Variants in NTRK2 observed in about 807,000 individuals in gnomAD.
NTRK2 encodes BDNF/NT-3 growth factors receptor.
NTRK2 carries 13 observed loss-of-function variants against 94.5 expected under a neutral mutation model. That is an observed-to-expected ratio of 0.14 (90% CI 0.09 to 0.22). The LOEUF is 0.22. NTRK2 is among the 10% of genes least tolerant of loss of function. The pLI is 1.00. For missense variants in NTRK2, 639 were observed against 1,071.2 expected, an observed-to-expected ratio of 0.60 and a Z score of 5.63; for synonymous variants, 372 against 407.4, an observed-to-expected ratio of 0.91 and a Z score of 1.05.
chr9:84,797,620 C>A lies in NTRK2; in HGVS notation c.1396+45535C>A, dbSNP rs141918511. ...CTATATATTATATATAATATATATACTATATATTATATATTATATATACTA... is the reference window on the plus strand; with the variant it reads ...CTATATATTATATATAATATATATAATATATATTATATATTATATATACTA... On this transcript the variant is annotated intron_variant, in intron 12 of 18. Transcript: ENST00000277120. Among the ~76,000 whole-genome samples, 525 of 63,158 alleles carry A rather than the reference C, an allele frequency of 8.3e-3. 24 individuals carry two copies. Among genetic ancestry groups the A allele is most frequent in the African/African-American group, 0.028 (436 of 15,684 alleles). The allele number at this position is 63,158 out of a possible 152,430, so 41.4% of individuals were successfully genotyped here.
chr9:84,990,173 C>A (rs568089083), intron 17 of NTRK2, among the ~76,000 whole-genome samples: 4 of 150,476 alleles, frequency 2.7e-5, no homozygotes, highest in Non-Finnish European at 5.9e-5. Context: ...AAAGGCCAGG[C>A]GGATATTCAT....
chr9:84,979,680 G>A (rs1827340725), intron 17 of NTRK2, among the ~76,000 whole-genome samples: 1 of 152,196 alleles, frequency 6.6e-6, no homozygotes, highest in Non-Finnish European at 1.5e-5. Flanking sequence ...CCATCAAACA[G>A]CATTACATAT....
chr9:84,754,219 A>G (rs2064881377), intron 12 of NTRK2, among the ~76,000 whole-genome samples: 1 of 152,242 alleles, frequency 6.6e-6, no homozygotes, highest in Admixed American at 6.5e-5. Flanking sequence ...TTCCTACAGC[A>G]GTAACTACTA....
chr9:84,812,872 A>C (rs1017335341), intron 12 of NTRK2: 1 of 1,034,006 alleles, frequency 9.7e-7, no homozygotes, highest in African/African-American at 1.7e-5. Context: ...TTAATATATC[A>C]AAGATCAGTT....
chr9:85,002,346 G>A (rs1037074653), intron 17 of NTRK2, among the ~76,000 whole-genome samples: 1 of 152,210 alleles, frequency 6.6e-6, no homozygotes, highest in South Asian at 2.1e-4. Context: ...CCTGGCCCAT[G>A]AAGGCTCGAG....
chr9:84,860,899 A>ATTTC (rs2075305737), intron 12 of NTRK2, 141 bp from the exon 13 acceptor site: 1 of 82,744 alleles, frequency 1.2e-5, no homozygotes, highest in Admixed American at 2.1e-4. Flanking sequence ...TTGTTTATTT[A>ATTTC]TTTATTTATT....
In NTRK2 at chr9:84,762,068, G is replaced by A. The variant is rs12555717; in HGVS notation, c.1396+9983G>A. Among the ~76,000 whole-genome samples, 1,236 of 152,140 alleles carry A rather than the reference G, an allele frequency of 8.1e-3. 19 individuals carry two copies. The highest frequency in any genetic ancestry group is 0.044 in the East Asian group (225 of 5,168). On this transcript the variant is annotated intron_variant, in intron 12 of 18. Transcript: ENST00000277120. ...AGTTCCCCTACACAAGCTCTCTCTT[G>A]CACACTGTCATGTAAGAAGTCTCTT...
At chr9:84,894,731 C>T (rs1010954689) in intron 14 of NTRK2, among the ~76,000 whole-genome samples, 1 of 152,158 alleles carries the variant, frequency 6.6e-6, no homozygotes, top group Non-Finnish European at 1.5e-5. Flanking sequence ...AATAAATTGC[C>T]ATATGCATCT....
intron 14 of NTRK2, among the ~76,000 whole-genome samples, chr9:84,879,566 A>G (rs1264493946): frequency 6.6e-6 from 1 of 152,168 alleles, no homozygotes; most frequent in Non-Finnish European, 1.5e-5. Flanking sequence ...TTGCTGCAGT[A>G]TAGATATTAC....
intron 14 of NTRK2, among the ~76,000 whole-genome samples, chr9:84,900,101 A>C (rs2076881917): frequency 6.6e-6 from 1 of 152,222 alleles, no homozygotes; most frequent in African/African-American, 2.4e-5. Context: ...GAGACATGAC[A>C]CCAAATGCAC....
At chr9:84,833,307 C>G (rs1272739538) in intron 12 of NTRK2, among the ~76,000 whole-genome samples, 1 of 152,080 alleles carries the variant, frequency 6.6e-6, no homozygotes, top group Non-Finnish European at 1.5e-5. Context: ...GTAAGAATAT[C>G]TGGGCATGGG....
intron 14 of NTRK2, among the ~76,000 whole-genome samples, chr9:84,905,798 A>AT (rs2077057268): frequency 6.6e-6 from 1 of 152,214 alleles, no homozygotes; most frequent in South Asian, 2.1e-4. Context: ...TGTCAGGGTG[A>AT]TGGCAGTGAT....
chr9:84,901,392 T>TTG (rs915531554), intron 14 of NTRK2, among the ~76,000 whole-genome samples: 45 of 151,118 alleles, frequency 3.0e-4, no homozygotes, highest in African/African-American at 4.6e-4. Context: ...CCAGCTATTT[T>TTG]TGTGTGTGTG....
chr9:84,758,533 A>T (rs1156894335), intron 12 of NTRK2, among the ~76,000 whole-genome samples: 1 of 152,132 alleles, frequency 6.6e-6, no homozygotes, highest in African/African-American at 2.4e-5. Flanking sequence ...CTGGGATTAC[A>T]GGCGTGCGCT....
At chr9:84,822,668 A>G (rs1038395697) in intron 12 of NTRK2, among the ~76,000 whole-genome samples, 2 of 152,104 alleles carry the variant, frequency 1.3e-5, no homozygotes, top group African/African-American at 2.4e-5. Flanking sequence ...CACTCTAGGG[A>G]GTTACTGGCG....
intron 6 of NTRK2, 111 bp downstream of exon 6, chr9:84,710,902 G>T: frequency 3.0e-6 from 3 of 1,015,776 alleles, no homozygotes; most frequent in Admixed American, 1.9e-5. Flanking sequence ...GTATTCTGTT[G>T]ATGTCTCCAG....
chr9:84,710,798 T>C lies in NTRK2; in HGVS notation c.583+7T>C, dbSNP rs201975669. The C allele has an allele frequency of 2.0e-5, 33 of 1,613,920 alleles. No homozygotes were observed. The highest frequency in any genetic ancestry group is 3.3e-5 in the Admixed American group (2 of 60,006). ...CTGCAGATACCCAATTGTGGTAATT[T>C]ATTTTTAAATCAATGTGTTCTAGTT... On this transcript the variant is annotated splice_region_variant and intron_variant, in intron 6 of 18. Coordinates refer to ENST00000277120, the MANE Select transcript of NTRK2 (RefSeq NM_006180.6).
At chr9:85,005,580 T>C (rs1830866481) in intron 17 of NTRK2, among the ~76,000 whole-genome samples, 1 of 152,194 alleles carries the variant, frequency 6.6e-6, no homozygotes, top group Admixed American at 6.5e-5. Flanking sequence ...CAGATACAGA[T>C]ATAGACACAC....
At position 84,867,154 on chromosome 9, in the gene NTRK2, T is replaced by A. The variant is rs1045540176; in HGVS notation, c.1445-89T>A. 3.2e-6 allele frequency: 4 copies of A among 1,264,208 alleles called. No individual in the cohort carries two copies. The African/African-American group carries it at 5.9e-5, about 19-fold the overall frequency. The allele number at this position is 1,264,208 out of a possible 1,614,324, so 78.3% of individuals were successfully genotyped here. A position where few individuals can be genotyped will look rare whatever the true frequency, so the allele number is the denominator to read the frequency against. Reference sequence around the variant, plus strand: ...ATATACTAAAACCCACTGAATTGTATACTTTAAATGGGTAAATTTTATGTA... The same window carrying A: ...ATATACTAAAACCCACTGAATTGTAAACTTTAAATGGGTAAATTTTATGTA... On this transcript the variant is annotated intron_variant, in intron 13 of 18. Transcript: ENST00000277120.
Sources: gnomAD v4.1 joint callset for allele counts (sites outside exome capture counted in the v4.1 genomes callset) on GRCh38, gnomAD v4.1.1 for gene constraint, MANE v1.5 for transcripts, NCBI Gene and HGNC (gene_info 2026-07-23, HGNC 2026-07-21) for gene names.